The following PPM1E variants were observed in gnomAD, a reference collection of about 807,000 sequenced individuals.
PPM1E encodes the protein protein phosphatase, Mg2+/Mn2+ dependent 1E.
In PPM1E, 20 loss-of-function variants were observed where a neutral mutation model predicts 65.9. The ratio of observed to expected loss-of-function variants is 0.30; its 90% CI spans 0.21 to 0.44. PPM1E has a LOEUF of 0.44. Among genes scored for constraint, PPM1E ranks in the 20% least tolerant of loss-of-function variants. The pLI is 1.00. For missense variants in PPM1E, 713 were observed against 953.1 expected, an observed-to-expected ratio of 0.75 and a Z score of 3.32; for synonymous variants, 352 against 374.9, an observed-to-expected ratio of 0.94 and a Z score of 0.70.
intron 1 of PPM1E, among the ~76,000 whole-genome samples, chr17:58,780,690 T>TA (rs938120585): frequency 1.3e-5 from 2 of 152,208 alleles, no homozygotes; most frequent in African/African-American, 4.8e-5. Context: ...TAAGATGTCT[T>TA]AAAACTTTAC....
intron 1 of PPM1E, among the ~76,000 whole-genome samples, chr17:58,951,731 A>G (rs1598672618): frequency 6.6e-6 from 1 of 152,102 alleles, no homozygotes; most frequent in Non-Finnish European, 1.5e-5. Flanking sequence ...ACATATGCCA[A>G]TTAACAGTAG....
chr17:58,782,869 T>C (rs1270993376), intron 1 of PPM1E, among the ~76,000 whole-genome samples: 1 of 152,126 alleles, frequency 6.6e-6, no homozygotes, highest in Non-Finnish European at 1.5e-5. Flanking sequence ...AACAGGAATA[T>C]GGAAAATGTA....
chr17:58,873,565 G>GTATTATTATTATTAT (rs140125879), intron 1 of PPM1E, among the ~76,000 whole-genome samples: 14 of 141,028 alleles, frequency 9.9e-5, no homozygotes, highest in East Asian at 4.2e-4. Flanking sequence ...AATGCTCATA[G>GTATTATTATTATTAT]TATTATTATT....
At chr17:58,886,147 T>A (rs2051263414) in intron 1 of PPM1E, among the ~76,000 whole-genome samples, 1 of 152,214 alleles carries the variant, frequency 6.6e-6, no homozygotes, top group Non-Finnish European at 1.5e-5. Flanking sequence ...ATGTACTCCC[T>A]CTTCTATTTG....
intron 1 of PPM1E, among the ~76,000 whole-genome samples, chr17:58,841,943 G>A (rs375930438): frequency 1.2e-4 from 18 of 152,100 alleles, no homozygotes; most frequent in African/African-American, 2.6e-4. Flanking sequence ...TCCTGACCTC[G>A]TGATCCGCCC....
At chr17:58,763,152 A>C (rs2049839829) in intron 1 of PPM1E, among the ~76,000 whole-genome samples, 1 of 152,214 alleles carries the variant, frequency 6.6e-6, no homozygotes, top group African/African-American at 2.4e-5. Flanking sequence ...GGCTTAACAT[A>C]ATGTTAGTTT....
chr17:58,810,676 A>G (rs1009725493), intron 1 of PPM1E, among the ~76,000 whole-genome samples: 4 of 152,138 alleles, frequency 2.6e-5, no homozygotes, highest in Non-Finnish European at 5.9e-5. Context: ...GCCTAGATTT[A>G]TATTTCATTA....
intron 1 of PPM1E, among the ~76,000 whole-genome samples, chr17:58,926,504 CGTGT>C (rs1297397887): frequency 6.6e-6 from 1 of 151,500 alleles, no homozygotes; most frequent in East Asian, 1.9e-4. Flanking sequence ...TATGTGTGTG[CGTGT>C]GTGTGTATGT....
At chr17:58,978,438 C>T (rs1008875278) in intron 6 of PPM1E, among the ~76,000 whole-genome samples, 2 of 152,104 alleles carry the variant, frequency 1.3e-5, no homozygotes, top group Admixed American at 1.3e-4. Context: ...AGGCCAGATG[C>T]GGTGGCTCAT....
At chr17:58,918,745 G>T (rs1000611810) in intron 1 of PPM1E, among the ~76,000 whole-genome samples, 10 of 134,358 alleles carry the variant, frequency 7.4e-5, no homozygotes, top group African/African-American at 2.8e-4. Context: ...GGCAGAGGTT[G>T]CAGTGAGCCG....
intron 1 of PPM1E, among the ~76,000 whole-genome samples, chr17:58,792,597 C>A (rs1229066795): frequency 6.6e-6 from 1 of 151,754 alleles, no homozygotes; most frequent in Non-Finnish European, 1.5e-5. Flanking sequence ...CCGCCTTGGG[C>A]TCCTAAAGTG....
intron 1 of PPM1E, among the ~76,000 whole-genome samples, chr17:58,889,017 A>G (rs2051314247): frequency 6.6e-6 from 1 of 152,216 alleles, no homozygotes; most frequent in Admixed American, 6.5e-5. Context: ...ATGTAAAGGA[A>G]ATGTGAAAAT....
intron 1 of PPM1E, among the ~76,000 whole-genome samples, chr17:58,836,357 A>G (rs1238138307): frequency 6.6e-6 from 1 of 151,854 alleles, no homozygotes; most frequent in African/African-American, 2.4e-5. Context: ...GGGGCCTGGC[A>G]TGGTGGCTCA....
At chr17:58,971,982 C>A in intron 4 of PPM1E, 150 bp from the exon 5 acceptor site, 1 of 721,436 alleles carries the variant, frequency 1.4e-6, no homozygotes, top group Non-Finnish European at 2.2e-6. Flanking sequence ...TATACAAATG[C>A]ATTGAGACAA....
chr17:58,813,004 A>G (rs1423534285), intron 1 of PPM1E, among the ~76,000 whole-genome samples: 2 of 152,198 alleles, frequency 1.3e-5, no homozygotes, highest in African/African-American at 2.4e-5. Context: ...ACAGTGATAC[A>G]TGTTTGTTTT....
chr17:58,970,862 C>T (rs976517915), intron 4 of PPM1E, among the ~76,000 whole-genome samples: 4 of 151,952 alleles, frequency 2.6e-5, no homozygotes, highest in Admixed American at 2.6e-4. Flanking sequence ...AGGGCCGGCC[C>T]CTGAGAGGTG....
At chr17:58,838,613 A>G (rs886784833) in intron 1 of PPM1E, among the ~76,000 whole-genome samples, 1 of 152,242 alleles carries the variant, frequency 6.6e-6, no homozygotes, top group African/African-American at 2.4e-5. Context: ...GCAGTGGCTT[A>G]CAAGAAAGAT....
intron 1 of PPM1E, among the ~76,000 whole-genome samples, chr17:58,767,454 A>G (rs993050414): frequency 3.9e-5 from 6 of 152,190 alleles, no homozygotes; most frequent in Non-Finnish European, 8.8e-5. Flanking sequence ...AAAAATTTCA[A>G]TGCAAATGTA....
chr17:58,965,806 A>C lies in PPM1E; in HGVS notation c.696A>C (p.Thr232=). ...GGAGACCCCAGCTTTATTATGAGAC[A>C]TCAATCCATGCCATCAAAAACATGC... ...LRRRPQLYYE[T]SIHAIKNMRR... Residue 232 remains threonine (T), a synonymous_variant, in exon 3 of 7, where the codon ACA becomes ACC. Transcript: ENST00000308249. 1 of 1,614,172 alleles carries C rather than the reference A, an allele frequency of 6.2e-7. No individual in the cohort carries two copies. Among genetic ancestry groups the C allele is most frequent in the Non-Finnish European group, 8.5e-7 (1 of 1,180,022 alleles).
Sources: allele counts gnomAD v4.1 joint callset (sites outside exome capture counted in the v4.1 genomes callset), GRCh38; gene constraint gnomAD v4.1.1; transcripts MANE v1.5; gene names NCBI Gene and HGNC (gene_info 2026-07-23, HGNC 2026-07-21).